MRTFB: variants seen among roughly 807,000 people sequenced by gnomAD.
The protein encoded by MRTFB is myocardin-related transcription factor B.
In MRTFB, 29 loss-of-function variants were observed where a neutral mutation model predicts 104.2. That is an observed-to-expected ratio of 0.28 (90% CI 0.21 to 0.38). The LOEUF is 0.38. MRTFB is among the 10% of genes least tolerant of loss of function. The pLI, the probability that MRTFB is intolerant of heterozygous loss-of-function variation, is 1.00. For missense variants in MRTFB, 1,270 were observed against 1,341.6 expected (o/e 0.95, Z 0.83); for synonymous variants, 535 against 519.5 (o/e 1.03, Z -0.41).
chr16:14,133,311 C>T (rs1036863215), intron 2 of MRTFB, among the ~76,000 whole-genome samples: 1 of 152,164 alleles, frequency 6.6e-6, no homozygotes, highest in Non-Finnish European at 1.5e-5. Context: ...TTTAATGACT[C>T]CTCTTTAAAC....
chr16:14,147,749 C>G (rs2038391723), intron 3 of MRTFB, among the ~76,000 whole-genome samples: 1 of 152,128 alleles, frequency 6.6e-6, no homozygotes, highest in South Asian at 2.1e-4. Context: ...TCAGCAAGAC[C>G]ATGGACCCCA....
the MRTFB span, among the ~76,000 whole-genome samples, chr16:14,022,558 A>C: frequency 6.6e-6 from 1 of 151,906 alleles, no homozygotes; most frequent in Admixed American, 6.6e-5. Context: ...CACCACACCC[A>C]GCTAATTTTT....
the MRTFB span, chr16:14,009,744 C>T: frequency 2.6e-5 from 4 of 152,154 alleles, no homozygotes; most frequent in African/African-American, 9.7e-5. Context: ...TCTTCTCCCC[C>T]CAACAACGTG....
the MRTFB span, among the ~76,000 whole-genome samples, chr16:14,014,349 C>G: frequency 1.3e-5 from 2 of 151,860 alleles, no homozygotes; most frequent in South Asian, 4.2e-4. Flanking sequence ...GAGTTTGAAA[C>G]CAACCCAGGC....
chr16:14,000,367 T>C, the MRTFB span, among the ~76,000 whole-genome samples: 47 of 152,326 alleles, frequency 3.1e-4, no homozygotes, highest in East Asian at 2.9e-3. Flanking sequence ...AGTCAAGGGA[T>C]TGATCCCCTC....
chr16:14,196,226 T>C (rs1405170146), intron 3 of MRTFB, among the ~76,000 whole-genome samples: 1 of 152,254 alleles, frequency 6.6e-6, no homozygotes, highest in Non-Finnish European at 1.5e-5. Flanking sequence ...TTATCAAAGC[T>C]CCTGTAAATT....
the MRTFB span, among the ~76,000 whole-genome samples, chr16:14,055,838 C>T: frequency 1.3e-5 from 2 of 151,974 alleles, no homozygotes; most frequent in Non-Finnish European, 2.9e-5. Flanking sequence ...AGATACTTCA[C>T]GACTATCTTG....
chr16:14,113,703 C>G (rs528159617), intron 2 of MRTFB, among the ~76,000 whole-genome samples: 6 of 152,160 alleles, frequency 3.9e-5, no homozygotes, highest in African/African-American at 1.4e-4. Flanking sequence ...GGCCCATAAT[C>G]ATTAAGGAAT....
intron 2 of MRTFB, among the ~76,000 whole-genome samples, chr16:14,135,848 G>A (rs975610990): frequency 3.3e-5 from 5 of 152,154 alleles, no homozygotes; most frequent in Non-Finnish European, 7.3e-5. Context: ...GCTTTTTGCT[G>A]TTAGGTGATC....
intron 9 of MRTFB, among the ~76,000 whole-genome samples, chr16:14,237,116 A>T (rs1009017455): frequency 6.6e-6 from 1 of 152,292 alleles, no homozygotes. Flanking sequence ...TGGATAGATG[A>T]GTGCAGACCT....
chr16:14,068,268 A>G (rs771138764), upstream of MRTFB, among the ~76,000 whole-genome samples: 2 of 152,192 alleles, frequency 1.3e-5, no homozygotes, highest in African/African-American at 2.4e-5. Context: ...TGAGTGCTTA[A>G]TCTTGTAAGG....
chr16:14,039,760 C>CTT, the MRTFB span, among the ~76,000 whole-genome samples: 14 of 121,936 alleles, frequency 1.1e-4, no homozygotes, highest in East Asian at 4.7e-4. Flanking sequence ...ATAATATGTT[C>CTT]TTTTTTTTTT....
intron 2 of MRTFB, among the ~76,000 whole-genome samples, chr16:14,139,707 T>C: frequency 6.6e-6 from 1 of 152,212 alleles, no homozygotes; most frequent in East Asian, 1.9e-4. Flanking sequence ...TCCTTATTTG[T>C]AATAGTCAAA....
chr16:14,174,910 A>G (rs937652578), intron 3 of MRTFB, among the ~76,000 whole-genome samples: 10 of 152,134 alleles, frequency 6.6e-5, no homozygotes, highest in African/African-American at 2.4e-4. Context: ...ATTTGAATGG[A>G]TGAATAGGTT....
chr16:14,218,404 C>T (rs1158731794), intron 7 of MRTFB, among the ~76,000 whole-genome samples: 2 of 152,134 alleles, frequency 1.3e-5, no homozygotes, highest in South Asian at 2.1e-4. Flanking sequence ...AGGATCCAAA[C>T]AAGGTCCACA....
intron 2 of MRTFB, among the ~76,000 whole-genome samples, chr16:14,101,770 G>A (rs1347153814): frequency 6.6e-6 from 1 of 152,094 alleles, no homozygotes; most frequent in Non-Finnish European, 1.5e-5. Flanking sequence ...TTAGTAACAG[G>A]TATTTCTCCA....
At chr16:14,108,435 A>G (rs940779262) in intron 2 of MRTFB, among the ~76,000 whole-genome samples, 1 of 152,216 alleles carries the variant, frequency 6.6e-6, no homozygotes, top group Non-Finnish European at 1.5e-5. Flanking sequence ...TTCTAAATGC[A>G]TAGTGGTAAC....
chr16:14,129,979 C>T (rs2037356379), intron 2 of MRTFB, among the ~76,000 whole-genome samples: 1 of 152,128 alleles, frequency 6.6e-6, no homozygotes, highest in Non-Finnish European at 1.5e-5. Flanking sequence ...CAGGCTCGTG[C>T]CACCATGGCC....
At chr16:14,064,221 T>C in the MRTFB span, among the ~76,000 whole-genome samples, 4 of 152,208 alleles carry the variant, frequency 2.6e-5, no homozygotes, top group South Asian at 8.3e-4. Context: ...ATTTTTCTGA[T>C]GATTAGTGAG....
Sources: allele counts gnomAD v4.1 joint callset (sites outside exome capture counted in the v4.1 genomes callset), GRCh38; gene constraint gnomAD v4.1.1; transcripts MANE v1.5; gene names NCBI Gene and HGNC (gene_info 2026-07-23, HGNC 2026-07-21).